Variants in BCOR observed in about 807,000 individuals in gnomAD.
BCOR encodes the protein BCL-6 corepressor.
A neutral mutation model predicts 86.7 loss-of-function variants in BCOR; 10 were observed. That is an observed-to-expected ratio of 0.12 (90% CI 0.07 to 0.20). BCOR has a LOEUF of 0.20. Ranked by LOEUF, BCOR falls within the 10% of genes least tolerant of loss-of-function variation. BCOR has a pLI of 1.00. For missense variants in BCOR, 1,259 were observed against 1,452.1 expected (o/e 0.87, Z 2.16); for synonymous variants, 611 against 609.0 (o/e 1.00, Z -0.05).
intron 14 of BCOR, 70 bp downstream of exon 14, chrX:40,053,816 G>A: frequency 1.7e-6 from 2 of 1,154,887 alleles, no homozygotes; most frequent in Non-Finnish European, 2.4e-6. Context: ...TCTGCTCAAA[G>A]CGCATTTCTA....
chrX:40,063,327 A>G (rs1384737130), intron 8 of BCOR, among the ~76,000 whole-genome samples: 1 of 112,729 alleles, frequency 8.9e-6, no homozygotes, highest in Non-Finnish European at 1.9e-5. Flanking sequence ...AAGAGAGGAC[A>G]GAAGCTGGCT....
At chrX:40,084,710 C>CCCCCA (rs1555923364) in intron 1 of BCOR, among the ~76,000 whole-genome samples, 3 of 98,799 alleles carry the variant, frequency 3.0e-5, no homozygotes, top group African/African-American at 1.4e-4. Context: ...GCCACCCCCC[C>CCCCCA]CCACCACCAC....
chrX:40,057,093 C>A (rs1790059949), intron 11 of BCOR, 62 bp downstream of exon 11: 1 of 1,158,364 alleles, frequency 8.6e-7, no homozygotes, highest in South Asian at 1.8e-5. Flanking sequence ...AGAACCACCA[C>A]CGCACAGATA....
At chrX:40,133,139 CTTTTTTTTTT>C (rs774822335) in intron 1 of BCOR, among the ~76,000 whole-genome samples, 1 of 100,274 alleles carries the variant, frequency 1.0e-5, no homozygotes, top group African/African-American at 3.6e-5. Flanking sequence ...TTCTTTTTTT[CTTTTTTTTTT>C]TTTTTTGAGA....
At chrX:40,137,024 G>T (rs1937694355) in intron 1 of BCOR, among the ~76,000 whole-genome samples, 1 of 111,832 alleles carries the variant, frequency 8.9e-6, no homozygotes, top group African/African-American at 3.3e-5. Flanking sequence ...CGTATCAGGG[G>T]CTGTCCTCAA....
intron 1 of BCOR, among the ~76,000 whole-genome samples, chrX:40,122,385 G>A (rs1340629227): frequency 9.0e-6 from 1 of 111,118 alleles, no homozygotes; most frequent in African/African-American, 3.3e-5. Context: ...TACCCCATCT[G>A]GCTGTGGGAA....
At chrX:40,086,494 C>T (rs947782615) in intron 1 of BCOR, among the ~76,000 whole-genome samples, 9 of 113,072 alleles carry the variant, frequency 8.0e-5, no homozygotes, top group African/African-American at 2.9e-4. Context: ...CCCTAAACCA[C>T]AACATACAAA....
At chrX:40,105,497 CGA>C (rs1461508804) in intron 1 of BCOR, among the ~76,000 whole-genome samples, 2 of 112,061 alleles carry the variant, frequency 1.8e-5, no homozygotes, top group African/African-American at 6.5e-5. Flanking sequence ...CGGTGTAAGC[CGA>C]GAGGACCCTT....
At chrX:40,147,555 C>T (rs1387938016) in intron 1 of BCOR, among the ~76,000 whole-genome samples, 1 of 112,979 alleles carries the variant, frequency 8.9e-6, no homozygotes, top group Non-Finnish European at 1.9e-5. Flanking sequence ...CGGGAAGAGG[C>T]CGAGCTGACC....
At chrX:40,079,230 C>T (rs1402113125) in intron 1 of BCOR, among the ~76,000 whole-genome samples, 3 of 111,998 alleles carry the variant, frequency 2.7e-5, no homozygotes, top group East Asian at 2.8e-4. Context: ...ACACAGTTTC[C>T]GAAAGCCCAA....
At chrX:40,061,878 ACTGGAGGATGCCGTAGCAGCCTACCTGC>A (rs2146989161) in intron 10 of BCOR, among the ~76,000 whole-genome samples, 1 of 111,452 alleles carries the variant, frequency 9.0e-6, no homozygotes, top group Admixed American at 9.5e-5. Flanking sequence ...AGTTAGCGAG[ACTGGAGGATGCCGTAGCAGCCTACCTGC>A]CTGAACACGA....
intron 1 of BCOR, among the ~76,000 whole-genome samples, chrX:40,078,553 G>A (rs1255006141): frequency 1.8e-5 from 2 of 111,911 alleles, no homozygotes; most frequent in Admixed American, 9.4e-5. Context: ...AAAAAGAGTC[G>A]GTGGGCTGGT....
At chrX:40,087,168 A>T (rs1052556689) in intron 1 of BCOR, among the ~76,000 whole-genome samples, 1 of 113,129 alleles carries the variant, frequency 8.8e-6, no homozygotes, top group Non-Finnish European at 1.9e-5. Context: ...ATGCCATGTC[A>T]CAGAGGCCAG....
intron 4 of BCOR, 76 bp from the exon 5 acceptor site, chrX:40,071,766 T>C: frequency 1.4e-6 from 1 of 733,155 alleles, no homozygotes; most frequent in Non-Finnish European, 2.1e-6. Context: ...ACCAATTTTT[T>C]TCTTAACATT....
chrX:40,082,072 C>T (rs1004319250), intron 1 of BCOR, among the ~76,000 whole-genome samples: 1 of 112,445 alleles, frequency 8.9e-6, no homozygotes, highest in Non-Finnish European at 1.9e-5. Flanking sequence ...GGCCCGGACA[C>T]GGGGGAGAAG....
rs775665144 is a variant in BCOR, at chrX:40,062,731, G to C, written c.4173+15C>G. On this transcript the variant is annotated intron_variant, in intron 9 of 14. Transcript: ENST00000378444. ...TTCGCACAGGCCCCAGAGGGAAGCC[G>C]GGGTCAAGAGGTACCTTGCCATCGG... 8.3e-7 allele frequency: 1 copy of C among 1,203,054 alleles called. No homozygotes were observed. The highest frequency in any genetic ancestry group is 1.8e-5 in the South Asian group (1 of 56,217).
intron 1 of BCOR, among the ~76,000 whole-genome samples, chrX:40,169,613 AAAAC>A (rs2148027101): frequency 9.0e-6 from 1 of 111,129 alleles, no homozygotes; most frequent in South Asian, 3.8e-4. Context: ...GGTTTAAAAA[AAAAC>A]AAAAACAAAA....
Position 40,054,301 on chromosome X carries a change from C to A in BCOR, c.4774G>T (p.Asp1592Tyr). ...YLNDLQGRND[D>Y]DASGTWDFYG... Reference sequence around the variant, plus strand: ...AAGTCCCAAGTGCCACTGGCGTCATCATCATTGCGACCCTGGAGGTCATTT... The same window carrying A: ...AAGTCCCAAGTGCCACTGGCGTCATAATCATTGCGACCCTGGAGGTCATTT... The change falls in exon 13 of 15, where the codon GAT becomes TAT. Residue 1592 changes from aspartate (D) to tyrosine (Y), a missense_variant. Physicochemically the swap from Asp to Tyr is radical, Grantham distance 160. Coordinates refer to ENST00000378444, the MANE Select transcript of BCOR (RefSeq NM_001123385.2). 1.7e-6 allele frequency: 2 copies of A among 1,208,101 alleles called. No individual in the cohort carries two copies. Among genetic ancestry groups the A allele is most frequent in the Non-Finnish European group, 2.2e-6 (2 of 892,897 alleles).
At position 40,174,138 on chromosome X, in the gene BCOR, C is replaced by T. The variant is rs746755596; in HGVS notation, c.-41+2869G>A. ...GCTGCCTTTTCCTTTTCAAACACAA[C>T]GCAAATGGCCTTTGCCTTAAGTGGC... On this transcript the variant is annotated intron_variant, in intron 1 of 14. Transcript: ENST00000342274. 8.0e-5 allele frequency among the ~76,000 whole-genome samples: 9 copies of T among 112,990 alleles called. 1 individual carries two copies. The Middle Eastern group carries it at 0.032, about 403-fold the overall frequency.
Sources: gnomAD v4.1 joint callset for allele counts (sites outside exome capture counted in the v4.1 genomes callset) on GRCh38, gnomAD v4.1.1 for gene constraint, MANE v1.5 for transcripts, NCBI Gene and HGNC (gene_info 2026-07-23, HGNC 2026-07-21) for gene names.